SPTAN1: variants seen among roughly 807,000 people sequenced by gnomAD.
SPTAN1 encodes spectrin alpha, non-erythrocytic 1, also known as spectrin alpha chain, non-erythrocytic 1.
In SPTAN1, 61 loss-of-function variants were observed where a neutral mutation model predicts 331.3. The ratio of observed to expected loss-of-function variants is 0.18; its 90% CI spans 0.15 to 0.23. The LOEUF (loss-of-function observed/expected upper bound fraction) is 0.23, where lower values mean the gene tolerates loss of function less well. SPTAN1 is among the 10% of genes least tolerant of loss of function. The pLI is 1.00. For missense variants in SPTAN1, 2,043 were observed against 3,147.9 expected (o/e 0.65, Z 8.40); for synonymous variants, 1,153 against 1,173.9 (o/e 0.98, Z 0.36).
intron 14 of SPTAN1, 53 bp downstream of exon 14, chr9:128,582,902 G>A: frequency 2.5e-6 from 4 of 1,607,068 alleles, no homozygotes; most frequent in Non-Finnish European, 3.4e-6. Flanking sequence ...GCTAAACACA[G>A]CTCTCACAAA....
At position 128,609,259 on chromosome 9, in the gene SPTAN1, C is replaced by A. The variant is rs756887707; in HGVS notation, c.4733C>A (p.Ser1578Ter). The change falls in exon 36 of 57, where the codon TCG becomes TAG. Residue 1578 changes from serine to a stop codon, truncating the protein, a stop_gained. Transcript: ENST00000372739. LOFTEE classifies it high-confidence loss of function. ...AAATTGCAAACAGCGAGTGATGAGT[C>A]GTACAAGGATCCCACCAACATCCAG... ...SEKLQTASDE[S>*]YKDPTNIQLS... 1 of 1,614,178 alleles carries A rather than the reference C, an allele frequency of 6.2e-7. No individual in the cohort carries two copies. The highest frequency in any genetic ancestry group is 1.7e-5 in the Admixed American group (1 of 60,018).
At chr9:128,628,176 G>A (rs746247011) in intron 51 of SPTAN1, 1 of 696,380 alleles carries the variant, frequency 1.4e-6, no homozygotes, top group East Asian at 2.8e-5. Flanking sequence ...TTGCCTCACT[G>A]GGCGATTCCA....
Position 128,607,615 on chromosome 9 carries a change from C to G in SPTAN1, c.4058C>G (p.Ser1353Cys), listed in dbSNP as rs1564278853. ...GTGCTGGTTTCCAGGGACCTCATGT[C>G]TTGGATCAATGGAATACGGGGGTTG... ...RFLSDFRDLM[S>C]WINGIRGLVS... The change falls in exon 32 of 57, where the codon TCT (serine) becomes TGT (cysteine). Residue 1353 changes from serine to cysteine, a missense_variant. Coordinates refer to ENST00000372739, the MANE Select transcript of SPTAN1 (RefSeq NM_001130438.3). 3 of 1,613,834 alleles carry G rather than the reference C, an allele frequency of 1.9e-6. No individual in the cohort carries two copies. The highest frequency in any genetic ancestry group is 1.3e-5 in the African/African-American group (1 of 74,872).
intron 4 of SPTAN1, 41 bp downstream of exon 4, chr9:128,574,856 G>T: frequency 6.2e-7 from 1 of 1,613,648 alleles, no homozygotes; most frequent in South Asian, 1.1e-5. Context: ...TTTACTCAAA[G>T]AAAAGGGAAG....
chr9:128,571,713 G>A (rs537086195), intron 3 of SPTAN1, among the ~76,000 whole-genome samples: 1 of 152,274 alleles, frequency 6.6e-6, no homozygotes, highest in East Asian at 1.9e-4. Context: ...GTGCAAGGTG[G>A]CCATTATTTC....
chr9:128,593,680 C>G (rs1422315259), intron 23 of SPTAN1: 1 of 203,386 alleles, frequency 4.9e-6, no homozygotes, highest in Non-Finnish European at 1.0e-5. Flanking sequence ...TTAGAAATGT[C>G]CTACTAATAT....
rs1336499264 is a variant in SPTAN1 at position 128,581,025 on chromosome 9, C to G, written c.1427C>G (p.Thr476Ser). 6.2e-7 allele frequency: 1 copy of G among 1,614,128 alleles called. No individual in the cohort carries two copies. Among genetic ancestry groups the G allele is most frequent in the Non-Finnish European group, 8.5e-7 (1 of 1,180,044 alleles). The change falls in exon 11 of 57, where the codon ACT becomes AGT. Residue 476 changes from threonine to serine, a missense_variant. By Grantham distance (58) the Thr-to-Ser change is moderately conservative (BLOSUM62 1). Around this residue, in one of 12 missense-constraint regions of SPTAN1, gnomAD observed 1,038 missense variants for 1,531.5 expected, o/e 0.68. Coordinates refer to ENST00000372739, the MANE Select transcript of SPTAN1 (RefSeq NM_001130438.3). ...CMDLQLFYRD[T>S]EQVDNWMSKQ... ...GACCTGCAGCTCTTCTACCGGGACACTGAGCAGGTGGACAACTGGATGAGC... is the reference window on the plus strand; with the variant it reads ...GACCTGCAGCTCTTCTACCGGGACAGTGAGCAGGTGGACAACTGGATGAGC...
Position 128,575,295 on chromosome 9 carries a change from C to T in SPTAN1, c.601C>T (p.His201Tyr), listed in dbSNP as rs1421660566. The T allele has an allele frequency of 1.2e-6, 2 of 1,613,964 alleles. No individual in the cohort carries two copies. Among genetic ancestry groups the T allele is most frequent in the Non-Finnish European group, 1.7e-6 (2 of 1,180,034 alleles). ...FEEFQTDMAA[H>Y]EERVNEVNQF... is the part of the protein sequence containing the mutation. ...AGAGTTTCAAACAGATATGGCTGCT[C>T]ATGAAGAAAGAGTTAATGAAGTGAA... is the stretch of plus-strand genomic sequence containing the variant. Residue 201 changes from histidine (H) to tyrosine (Y), a missense_variant, in exon 5 of 57, where the codon CAT becomes TAT. His to Tyr is a moderately conservative substitution (Grantham distance 83, BLOSUM62 2). Transcript: ENST00000372739.
intron 5 of SPTAN1, among the ~76,000 whole-genome samples, chr9:128,575,874 C>T (rs1304609956): frequency 6.6e-6 from 1 of 152,138 alleles, no homozygotes; most frequent in Non-Finnish European, 1.5e-5. Flanking sequence ...GCTTCCACTA[C>T]GAGTCCAAAG....
chr9:128,606,892 C>T (rs1486303647), intron 31 of SPTAN1, among the ~76,000 whole-genome samples: 1 of 152,162 alleles, frequency 6.6e-6, no homozygotes, highest in Non-Finnish European at 1.5e-5. Context: ...TGTGCAGCCA[C>T]CCCTCTCTAG....
chr9:128,604,992 T>C (rs1241383137), intron 29 of SPTAN1, 42 bp from the exon 30 acceptor site: 3 of 1,612,756 alleles, frequency 1.9e-6, no homozygotes, highest in Non-Finnish European at 2.5e-6. Context: ...ATCAAGGCAG[T>C]TGTACTTGGC....
intron 31 of SPTAN1, among the ~76,000 whole-genome samples, chr9:128,606,505 G>GGGT: frequency 1.4e-5 from 2 of 144,996 alleles, no homozygotes; most frequent in Non-Finnish European, 3.0e-5. Context: ...TTTGGGGGGG[G>GGGT]AAGCGTTTCG....
At position 128,577,589 on chromosome 9, in the gene SPTAN1, T is replaced by C; in HGVS notation, c.1085+83T>C. On this transcript the variant is annotated intron_variant, in intron 8 of 56. Coordinates refer to ENST00000372739, the MANE Select transcript of SPTAN1 (RefSeq NM_001130438.3). The surrounding 1 kb of genome is among the most constrained non-coding windows in gnomAD (Gnocchi z 4.2). ...GAATAGCAGAGTTAAGGGTCTGTTC[T>C]GTGTTCTGTGAAAGTGTCAGGTATC... 1 of 1,581,508 alleles carries C rather than the reference T, an allele frequency of 6.3e-7. No homozygotes were observed. Among genetic ancestry groups the C allele is most frequent in the African/African-American group, 1.3e-5 (1 of 74,436 alleles).
At chr9:128,632,378 A>ACAGT in intron 53 of SPTAN1, 53 bp from the exon 54 acceptor site, 1 of 1,613,606 alleles carries the variant, frequency 6.2e-7, no homozygotes, top group Non-Finnish European at 8.5e-7. Flanking sequence ...AGGAAAAGAC[A>ACAGT]CAGTCACCTG....
In SPTAN1 at chr9:128,588,820, C is replaced by G; in HGVS notation, c.2883C>G (p.Ala961=). The change falls in exon 21 of 57, where the codon GCC becomes GCG. Residue 961 remains alanine (A), a synonymous_variant. Coordinates refer to ENST00000372739, the MANE Select transcript of SPTAN1 (RefSeq NM_001130438.3). ...CTTTGGATTTTTAGCAACAAGTGGC[C>G]CCCACGGATGATGAGACTGGGAAGG... The part of the protein sequence containing the change: ...EQAQSCRQQV[A]PTDDETGKEL... 1 of 1,613,996 alleles carries G rather than the reference C, an allele frequency of 6.2e-7. No individual in the cohort carries two copies.
chr9:128,560,848 C>T (rs1324460693), intron 1 of SPTAN1, among the ~76,000 whole-genome samples: 1 of 150,166 alleles, frequency 6.7e-6, no homozygotes, highest in Non-Finnish European at 1.5e-5. Context: ...GAAACCCAAT[C>T]TCTACAAAAG....
chr9:128,603,482 C>A, intron 27 of SPTAN1, 61 bp from the exon 28 acceptor site: 1 of 1,590,760 alleles, frequency 6.3e-7, no homozygotes, highest in Non-Finnish European at 8.6e-7. Flanking sequence ...ACACTTGCAG[C>A]TCAGATCTCT....
intron 21 of SPTAN1, among the ~76,000 whole-genome samples, chr9:128,589,574 CCT>C (rs1491490980): frequency 1.7e-5 from 1 of 57,464 alleles, no homozygotes; most frequent in Admixed American, 3.1e-4. Flanking sequence ...CCGTGCCCGG[CCT>C]TTTTTTTTTT....
chr9:128,562,777 G>A (rs1053744993), intron 1 of SPTAN1, among the ~76,000 whole-genome samples: 5 of 151,580 alleles, frequency 3.3e-5, no homozygotes, highest in African/African-American at 1.2e-4. Context: ...ATCCTGGCTA[G>A]CACGGTGAAA....
Sources: allele counts gnomAD v4.1 joint callset (sites outside exome capture counted in the v4.1 genomes callset), GRCh38; gene constraint gnomAD v4.1.1; regional missense constraint gnomAD v4.1.1; non-coding constraint Gnocchi (gnomAD v3.1); transcripts MANE v1.5; gene names NCBI Gene and HGNC (gene_info 2026-07-23, HGNC 2026-07-21).